Variants in SHISA9 observed in about 807,000 individuals in gnomAD.
The protein encoded by SHISA9 is protein shisa-9.
A neutral mutation model predicts 38.0 loss-of-function variants in SHISA9; 13 were observed. The observed-to-expected ratio is 0.34, with a 90% confidence interval of 0.22 to 0.54. SHISA9 has a LOEUF of 0.54. SHISA9 is among the 20% of genes least tolerant of loss of function. SHISA9 has a pLI of 0.91. For missense variants in SHISA9, 538 were observed against 575.8 expected (o/e 0.93, Z 0.67); for synonymous variants, 275 against 242.0 (o/e 1.14, Z -1.27).
chr16:12,945,878 C>G (rs1417100771), intron 2 of SHISA9, among the ~76,000 whole-genome samples: 5 of 152,320 alleles, frequency 3.3e-5, no homozygotes, highest in Non-Finnish European at 5.9e-5. Flanking sequence ...CTTTGGGAGG[C>G]TCAGACAGGT....
the SHISA9 span, among the ~76,000 whole-genome samples, chr16:13,296,574 AT>A: frequency 0.021 from 3,253 of 152,050 alleles, 48 homozygotes; most frequent in Middle Eastern, 0.041. Context: ...AAAAAAAAAA[AT>A]AACCCTTCAC....
At chr16:13,457,837 CA>C in the SHISA9 span, among the ~76,000 whole-genome samples, 1 of 152,026 alleles carries the variant, frequency 6.6e-6, no homozygotes, top group South Asian at 2.1e-4. Flanking sequence ...TGAATAATCA[CA>C]TATGAGAAAT....
At chr16:13,290,738 G>A in the SHISA9 span, among the ~76,000 whole-genome samples, 1 of 152,102 alleles carries the variant, frequency 6.6e-6, no homozygotes, top group South Asian at 2.1e-4. Context: ...TAAAGAGCTT[G>A]GGAAGGCATG....
chr16:13,394,165 A>C, the SHISA9 span, among the ~76,000 whole-genome samples: 1 of 152,142 alleles, frequency 6.6e-6, no homozygotes, highest in South Asian at 2.1e-4. Flanking sequence ...TGAGAAAAAC[A>C]CACCCCACGT....
the SHISA9 span, among the ~76,000 whole-genome samples, chr16:13,470,580 C>A: frequency 6.6e-6 from 1 of 152,068 alleles, no homozygotes; most frequent in East Asian, 1.9e-4. Flanking sequence ...TTCACTACCA[C>A]GAGAAGAAAA....
intron 2 of SHISA9, among the ~76,000 whole-genome samples, chr16:12,984,526 G>C (rs1458165007): frequency 3.3e-5 from 5 of 152,174 alleles, no homozygotes; most frequent in African/African-American, 1.2e-4. Context: ...TTAGATTAGA[G>C]CTGTGTTTAA....
At chr16:13,310,232 G>T in the SHISA9 span, among the ~76,000 whole-genome samples, 2 of 152,026 alleles carry the variant, frequency 1.3e-5, no homozygotes, top group Non-Finnish European at 2.9e-5. Context: ...CAAATTTTAA[G>T]CTTTTCCATT....
chr16:13,062,662 G>A (rs2073389694), intron 2 of SHISA9, among the ~76,000 whole-genome samples: 1 of 152,162 alleles, frequency 6.6e-6, no homozygotes, highest in African/African-American at 2.4e-5. Context: ...GGGGAGGGGA[G>A]TATTACTTAT....
chr16:12,951,977 G>A (rs755579285), intron 2 of SHISA9, among the ~76,000 whole-genome samples: 38 of 152,224 alleles, frequency 2.5e-4, no homozygotes, highest in Non-Finnish European at 3.8e-4. Flanking sequence ...ATTTGAAGAT[G>A]CTACTTGGTA....
At chr16:13,144,787 T>C (rs932633278) in intron 2 of SHISA9, among the ~76,000 whole-genome samples, 1 of 152,176 alleles carries the variant, frequency 6.6e-6, no homozygotes, top group Non-Finnish European at 1.5e-5. Context: ...TGGATTTTGC[T>C]CTTCTTAATG....
intron 2 of SHISA9, among the ~76,000 whole-genome samples, chr16:13,038,244 C>T (rs1387724673): frequency 6.6e-6 from 1 of 152,242 alleles, no homozygotes; most frequent in African/African-American, 2.4e-5. Context: ...ACTGCCTTGG[C>T]CTCCCAAAGT....
At position 12,968,189 on chromosome 16, in the gene SHISA9, C is replaced by CAA. The variant is rs200194973; in HGVS notation, c.691+51410_691+51411dup. On this transcript the variant is annotated intron_variant, in intron 2 of 4. Coordinates refer to ENST00000558583, the MANE Select transcript of SHISA9 (RefSeq NM_001145204.3). ...TGGGTGACAGAGGAAGGCTCCATCT[C>CAA]AAAAAAAAAAAAAAAAAAAAAAAAA... Among the ~76,000 whole-genome samples the CAA allele has an allele frequency of 7.5e-3, 615 of 81,978 alleles. 104 individuals carry two copies. The highest frequency in any genetic ancestry group is 0.012 in the East Asian group (34 of 2,868). The allele number at this position is 81,978 out of a possible 152,430, so 53.8% of individuals were successfully genotyped here. A position where few individuals can be genotyped will look rare whatever the true frequency, so the allele number is the denominator to read the frequency against.
intron 2 of SHISA9, among the ~76,000 whole-genome samples, chr16:13,200,202 C>T (rs1246226004): frequency 6.6e-6 from 1 of 152,056 alleles, no homozygotes; most frequent in East Asian, 1.9e-4. Flanking sequence ...ACTCCCCCAT[C>T]CTTTTGCTAC....
intron 2 of SHISA9, among the ~76,000 whole-genome samples, chr16:13,029,586 C>T (rs752034350): frequency 1.4e-4 from 21 of 152,090 alleles, no homozygotes; most frequent in African/African-American, 2.9e-4. Context: ...CCAGCCTGGG[C>T]GACAGAATGA....
At position 13,191,236 on chromosome 16, in the gene SHISA9, T is replaced by A. The variant is rs558591447; in HGVS notation, c.692-12158T>A. Among the ~76,000 whole-genome samples, 5 of 152,346 alleles carry A rather than the reference T, an allele frequency of 3.3e-5. No individual in the cohort carries two copies. The South Asian group carries it at 1.0e-3, about 32-fold the overall frequency. On this transcript the variant is annotated intron_variant, in intron 2 of 4. Transcript: ENST00000558583. ...ATTTCTGAATGTCTATTCTCCTTTT[T>A]TGTTCTTATGAGACTAACTAGTGCA...
chr16:13,528,301 A>G, the SHISA9 span, among the ~76,000 whole-genome samples: 1 of 151,902 alleles, frequency 6.6e-6, no homozygotes, highest in Non-Finnish European at 1.5e-5. Flanking sequence ...CCATTTCCAC[A>G]CTTCTGACTC....
the SHISA9 span, among the ~76,000 whole-genome samples, chr16:13,467,958 C>G: frequency 6.6e-6 from 1 of 152,154 alleles, no homozygotes; most frequent in African/African-American, 2.4e-5. Context: ...TGTCGCTATC[C>G]TTCATGGTGT....
chr16:13,254,639 G>A, the SHISA9 span, among the ~76,000 whole-genome samples: 1 of 152,206 alleles, frequency 6.6e-6, no homozygotes, highest in Non-Finnish European at 1.5e-5. Flanking sequence ...CCAGAAAGGG[G>A]CCTCTTGGCC....
the SHISA9 span, among the ~76,000 whole-genome samples, chr16:13,528,562 A>G: frequency 1.3e-5 from 2 of 152,204 alleles, no homozygotes; most frequent in South Asian, 4.1e-4. Context: ...ATGAATCCCA[A>G]AAAGAAAGAA....
Sources: gnomAD v4.1 joint callset for allele counts (sites outside exome capture counted in the v4.1 genomes callset) on GRCh38, gnomAD v4.1.1 for gene constraint, MANE v1.5 for transcripts, NCBI Gene and HGNC (gene_info 2026-07-23, HGNC 2026-07-21) for gene names.